Variants in BCL2 observed in about 807,000 individuals in gnomAD.
The protein encoded by BCL2 is BCL2 apoptosis regulator, also known as apoptosis regulator Bcl-2.
BCL2 carries 1 observed loss-of-function variant against 14.2 expected under a neutral mutation model. The ratio of observed to expected loss-of-function variants is 0.07; its 90% CI spans 0.02 to 0.33. BCL2 has a LOEUF of 0.33. Ranked by LOEUF, BCL2 falls within the 10% of genes least tolerant of loss-of-function variation. The pLI is 0.99. For missense variants in BCL2, 247 were observed against 305.9 expected (o/e 0.81, Z 1.44); for synonymous variants, 151 against 137.2 (o/e 1.10, Z -0.70).
intron 2 of BCL2, among the ~76,000 whole-genome samples, chr18:63,136,426 T>C (rs1184324939): frequency 2.0e-5 from 3 of 152,202 alleles, no homozygotes; most frequent in Non-Finnish European, 4.4e-5. Context: ...GTCTCCTAGA[T>C]GTTTTTCTCT....
In BCL2 at chr18:63,297,046, A is replaced by G. The variant is rs184345729; in HGVS notation, c.585+21036T>C. Among the ~76,000 whole-genome samples the G allele has an allele frequency of 1.4e-4, 22 of 152,242 alleles. 1 individual carries two copies. The highest frequency in any genetic ancestry group is 7.8e-4 in the Admixed American group (12 of 15,292). On this transcript the variant is annotated intron_variant, in intron 2 of 2. Transcript: ENST00000333681. The stretch of plus-strand genomic sequence containing the variant: ...GTTAACACGGTGAAACCCTGTCTCT[A>G]CTAAAAATACAAAAAATTTAGCTGG...
At chr18:63,135,150 C>G (rs1235069626) in intron 2 of BCL2, among the ~76,000 whole-genome samples, 3 of 152,178 alleles carry the variant, frequency 2.0e-5, no homozygotes, top group African/African-American at 4.8e-5. Flanking sequence ...TCGTGGTGGA[C>G]AGGAGCGTGA....
intron 2 of BCL2, among the ~76,000 whole-genome samples, chr18:63,155,538 G>A (rs1014714317): frequency 1.3e-4 from 19 of 146,874 alleles, no homozygotes; most frequent in African/African-American, 4.9e-4. Context: ...AGTGCAGGGT[G>A]GGCGCGGTAA....
At chr18:63,312,032 A>C (rs935962027) in intron 2 of BCL2, among the ~76,000 whole-genome samples, 3 of 152,254 alleles carry the variant, frequency 2.0e-5, no homozygotes, top group African/African-American at 7.2e-5. Flanking sequence ...CACAGGTTAA[A>C]GTTTATAATC....
At chr18:63,288,594 T>C (rs1912540325) in intron 2 of BCL2, among the ~76,000 whole-genome samples, 1 of 152,166 alleles carries the variant, frequency 6.6e-6, no homozygotes, top group Non-Finnish European at 1.5e-5. Flanking sequence ...CAAGGAGTCT[T>C]TTGTCCATAT....
At chr18:63,156,101 A>AAAAG (rs2144613436) in intron 2 of BCL2, among the ~76,000 whole-genome samples, 1 of 151,580 alleles carries the variant, frequency 6.6e-6, no homozygotes, top group African/African-American at 2.4e-5. Context: ...AAAAAAAAAA[A>AAAAG]AAAAAGGCTT....
chr18:63,230,260 C>T (rs960271919), intron 2 of BCL2, among the ~76,000 whole-genome samples: 3 of 152,128 alleles, frequency 2.0e-5, no homozygotes, highest in African/African-American at 7.2e-5. Context: ...AAGCACACTG[C>T]TAAATTATTA....
intron 2 of BCL2, among the ~76,000 whole-genome samples, chr18:63,266,604 A>ATCTCTCTCTCTCTCTCTC (rs36078664): frequency 6.4e-5 from 9 of 141,554 alleles, no homozygotes; most frequent in African/African-American, 2.4e-4. Flanking sequence ...TGGAACATAA[A>ATCTCTCTCTCTCTCTCTC]TCTCTCTCTC....
At chr18:63,220,750 C>T (rs1388141010) in intron 2 of BCL2, among the ~76,000 whole-genome samples, 2 of 151,696 alleles carry the variant, frequency 1.3e-5, no homozygotes, top group African/African-American at 4.8e-5. Flanking sequence ...GGTGAAAAAC[C>T]CTCTAAGAGC....
intron 2 of BCL2, among the ~76,000 whole-genome samples, chr18:63,292,210 C>G (rs541411553): frequency 6.7e-6 from 1 of 148,216 alleles, no homozygotes; most frequent in South Asian, 2.2e-4. Context: ...CTAGCCCCAG[C>G]CAACCCCAGT....
At chr18:63,192,891 T>C (rs192134239) in intron 2 of BCL2, among the ~76,000 whole-genome samples, 1 of 152,328 alleles carries the variant, frequency 6.6e-6, no homozygotes, top group East Asian at 1.9e-4. Context: ...TGGCCAAAAA[T>C]ATTTTCAATA....
At chr18:63,211,865 A>G (rs974894535) in intron 2 of BCL2, among the ~76,000 whole-genome samples, 2 of 152,216 alleles carry the variant, frequency 1.3e-5, no homozygotes, top group Admixed American at 1.3e-4. Context: ...ATCAGGGAAC[A>G]CGTCATTGAT....
chr18:63,183,782 T>C (rs1055623094), intron 2 of BCL2, among the ~76,000 whole-genome samples: 1 of 152,198 alleles, frequency 6.6e-6, no homozygotes, highest in Non-Finnish European at 1.5e-5. Flanking sequence ...ACAGTTTCCA[T>C]AGTAAACATT....
intron 2 of BCL2, among the ~76,000 whole-genome samples, chr18:63,183,297 A>C (rs1184644922): frequency 6.6e-6 from 1 of 152,176 alleles, no homozygotes; most frequent in Non-Finnish European, 1.5e-5. Context: ...AGAAGAGGGC[A>C]GGTGTCTGCT....
At chr18:63,277,651 G>T (rs1408109008) in intron 2 of BCL2, among the ~76,000 whole-genome samples, 1 of 150,184 alleles carries the variant, frequency 6.7e-6, no homozygotes, top group East Asian at 2.0e-4. Flanking sequence ...CAAAAGTCTG[G>T]TCCTACCAAT....
intron 2 of BCL2, among the ~76,000 whole-genome samples, chr18:63,298,035 G>A (rs1421910062): frequency 6.6e-6 from 1 of 152,176 alleles, no homozygotes; most frequent in Non-Finnish European, 1.5e-5. Context: ...CTCTCTCTGT[G>A]CTGCTATGGC....
intron 2 of BCL2, among the ~76,000 whole-genome samples, chr18:63,279,351 T>G (rs1414116445): frequency 6.6e-6 from 1 of 152,072 alleles, no homozygotes; most frequent in Non-Finnish European, 1.5e-5. Context: ...TCATAAGAAA[T>G]AGAAAACAGT....
At chr18:63,272,038 T>C (rs978962685) in intron 2 of BCL2, among the ~76,000 whole-genome samples, 1 of 152,208 alleles carries the variant, frequency 6.6e-6, no homozygotes, top group Admixed American at 6.5e-5. Flanking sequence ...ATCCTGTTTT[T>C]AGGCTCTTTT....
chr18:63,319,533 C>T lies in BCL2; in HGVS notation c.-646G>A, dbSNP rs1368939420. The T allele has an allele frequency of 4.4e-6, 1 of 229,162 alleles. No individual in the cohort carries two copies. The highest frequency in any genetic ancestry group is 6.2e-5 in the East Asian group (1 of 16,136). The allele number at this position is 229,162 out of a possible 1,614,324, so 14.2% of individuals were successfully genotyped here. A position where few individuals can be genotyped will look rare whatever the true frequency, so the allele number is the denominator to read the frequency against. On this transcript the variant is annotated 5_prime_UTR_variant, in exon 1 of 3. The change creates a new upstream start codon in the 5' untranslated region. Coordinates refer to ENST00000333681, the MANE Select transcript of BCL2 (RefSeq NM_000633.3). The stretch of plus-strand genomic sequence containing the variant: ...TCGGCAATTTACACGCGCGCACACA[C>T]GCGCGGGCACAGGCATGAATCTCTA...
Sources: allele counts gnomAD v4.1 joint callset (sites outside exome capture counted in the v4.1 genomes callset), GRCh38; gene constraint gnomAD v4.1.1; transcripts MANE v1.5; gene names NCBI Gene and HGNC (gene_info 2026-07-23, HGNC 2026-07-21).